HS3ST3A1: variants seen among roughly 807,000 people sequenced by gnomAD.
HS3ST3A1 encodes the protein heparan sulfate glucosamine 3-O-sulfotransferase 3A1.
Under a neutral mutation model 25.7 loss-of-function variants are expected in HS3ST3A1, and 19 were observed. The ratio of observed to expected loss-of-function variants is 0.74; its 90% CI spans 0.52 to 1.08. The LOEUF (loss-of-function observed/expected upper bound fraction) is 1.08. Among genes scored for constraint, HS3ST3A1 ranks in the 50% least tolerant of loss-of-function variants. The pLI, the probability that HS3ST3A1 is intolerant of heterozygous loss-of-function variation, is 0.00. For missense variants in HS3ST3A1, 459 were observed against 594.3 expected, an observed-to-expected ratio of 0.77 and a Z score of 2.37; for synonymous variants, 226 against 278.6, an observed-to-expected ratio of 0.81 and a Z score of 1.88.
intron 1 of HS3ST3A1, among the ~76,000 whole-genome samples, chr17:13,501,307 T>C (rs1025668099): frequency 2.6e-5 from 4 of 151,006 alleles, no homozygotes; most frequent in African/African-American, 9.9e-5. Flanking sequence ...ACAACGTGTA[T>C]GTACTTAACA....
intron 1 of HS3ST3A1, among the ~76,000 whole-genome samples, chr17:13,590,326 TAAAAA>T (rs59735905): frequency 1.4e-5 from 2 of 147,518 alleles, no homozygotes; most frequent in Admixed American, 6.7e-5. Context: ...TCTGTGAGGT[TAAAAA>T]AAAAAAAAAA....
intron 1 of HS3ST3A1, among the ~76,000 whole-genome samples, chr17:13,519,373 T>C (rs973106236): frequency 3.9e-4 from 60 of 152,332 alleles, no homozygotes; most frequent in Admixed American, 1.0e-3. Context: ...TTAACCTCTA[T>C]TTTAGCCCAT....
At chr17:13,574,082 C>T (rs1441684131) in intron 1 of HS3ST3A1, among the ~76,000 whole-genome samples, 1 of 151,650 alleles carries the variant, frequency 6.6e-6, no homozygotes, top group African/African-American at 2.4e-5. Flanking sequence ...CACCCCAGTA[C>T]TCTCTATCCT....
At chr17:13,565,461 G>GTT (rs1462080134) in intron 1 of HS3ST3A1, among the ~76,000 whole-genome samples, 1 of 152,212 alleles carries the variant, frequency 6.6e-6, no homozygotes, top group Non-Finnish European at 1.5e-5. Context: ...GAGCCTGGGA[G>GTT]GTCAAGGCTG....
At position 13,572,390 on chromosome 17, in the gene HS3ST3A1, A is replaced by G. The variant is rs1191618599; in HGVS notation, c.599+28141T>C. On this transcript the variant is annotated intron_variant, in intron 1 of 1. Coordinates refer to ENST00000284110, the MANE Select transcript of HS3ST3A1 (RefSeq NM_006042.3). ...TCCATCCTAGGGGGTGACCGCTCGG[A>G]CCACTTTCTTGTGGGACCCTATCTG... is the stretch of plus-strand genomic sequence containing the variant. Among the ~76,000 whole-genome samples, 3 of 152,104 alleles carry G rather than the reference A, an allele frequency of 2.0e-5. No homozygotes were observed. In the East Asian group the frequency reaches 5.8e-4, roughly 29 times the overall value.
chr17:13,594,638 A>G (rs1188202411), intron 1 of HS3ST3A1, among the ~76,000 whole-genome samples: 1 of 152,226 alleles, frequency 6.6e-6, no homozygotes, highest in Non-Finnish European at 1.5e-5. Context: ...TATTCCTTTC[A>G]GTCATAGGCA....
At position 13,512,767 on chromosome 17, in the gene HS3ST3A1, AT is replaced by A. The variant is rs200341371; in HGVS notation, c.600-15950del. Among the ~76,000 whole-genome samples, 690 of 152,316 alleles carry A rather than the reference AT, an allele frequency of 4.5e-3. 5 individuals carry two copies. Among genetic ancestry groups the A allele is most frequent in the Middle Eastern group, 0.017 (5 of 294 alleles). Reference sequence around the variant, plus strand: ...TTTGTTGAAATTAAGGGATAAAAAAATAAATTGTACTGCGTAAGTATGTAGT... The same window carrying A: ...TTTGTTGAAATTAAGGGATAAAAAAAAAATTGTACTGCGTAAGTATGTAGT... On this transcript the variant is annotated intron_variant, in intron 1 of 1. Coordinates refer to ENST00000284110, the MANE Select transcript of HS3ST3A1 (RefSeq NM_006042.3).
intron 1 of HS3ST3A1, among the ~76,000 whole-genome samples, chr17:13,568,345 G>A (rs1237763157): frequency 2.0e-5 from 3 of 152,098 alleles, no homozygotes; most frequent in African/African-American, 7.2e-5. Flanking sequence ...TCACTTTATT[G>A]TAATATTTGC....
At chr17:13,533,709 A>C (rs2142335030) in intron 1 of HS3ST3A1, among the ~76,000 whole-genome samples, 1 of 152,202 alleles carries the variant, frequency 6.6e-6, no homozygotes, top group South Asian at 2.1e-4. Context: ...GAGAGCAATA[A>C]CCCAAAAAGA....
At chr17:13,534,953 G>A (rs1440427636) in intron 1 of HS3ST3A1, among the ~76,000 whole-genome samples, 2 of 152,164 alleles carry the variant, frequency 1.3e-5, no homozygotes, top group African/African-American at 4.8e-5. Context: ...TTGAACCTGG[G>A]AGGCAGAGGT....
chr17:13,508,328 A>C (rs962878321), intron 1 of HS3ST3A1, among the ~76,000 whole-genome samples: 3 of 152,224 alleles, frequency 2.0e-5, no homozygotes, highest in Non-Finnish European at 1.5e-5. Context: ...GAGAAAACTC[A>C]AGGACTCTTG....
At chr17:13,528,206 C>T (rs981266547) in intron 1 of HS3ST3A1, among the ~76,000 whole-genome samples, 3 of 152,152 alleles carry the variant, frequency 2.0e-5, no homozygotes, top group Admixed American at 6.5e-5. Context: ...CTCCAAAGTC[C>T]CATCTACCTC....
chr17:13,562,435 A>G (rs376364524), intron 1 of HS3ST3A1, among the ~76,000 whole-genome samples: 41 of 152,204 alleles, frequency 2.7e-4, no homozygotes, highest in African/African-American at 9.6e-4. Context: ...GTGGGGGGGA[A>G]AGTAACCCTA....
In HS3ST3A1 at chr17:13,496,131, C is replaced by G. The variant is rs1905257115; in HGVS notation, c.*66G>C. 1.4e-6 allele frequency: 2 copies of G among 1,423,770 alleles called. No homozygotes were observed. The highest frequency in any genetic ancestry group is 2.5e-5 in the East Asian group (1 of 39,526). The allele number at this position is 1,423,770 out of a possible 1,614,324, so 88.2% of individuals were successfully genotyped here. On this transcript the variant is annotated 3_prime_UTR_variant, in exon 2 of 2. Transcript: ENST00000284110. ...TTTCAGCACAAATATTAAACTGTCT[C>G]TTCTCTACCGATTGGTAAAAAAATA...
chr17:13,517,326 T>C (rs1480227515), intron 1 of HS3ST3A1, among the ~76,000 whole-genome samples: 2 of 152,214 alleles, frequency 1.3e-5, no homozygotes, highest in South Asian at 2.1e-4. Context: ...AAGCATCCTA[T>C]TGGCTACATG....
intron 1 of HS3ST3A1, among the ~76,000 whole-genome samples, chr17:13,542,850 C>G (rs1412820875): frequency 2.6e-5 from 4 of 152,100 alleles, no homozygotes; most frequent in Non-Finnish European, 5.9e-5. Context: ...CACACACACA[C>G]CTCTGGGGTG....
At chr17:13,572,472 G>A (rs1907841407) in intron 1 of HS3ST3A1, among the ~76,000 whole-genome samples, 5 of 152,112 alleles carry the variant, frequency 3.3e-5, no homozygotes, top group Admixed American at 2.0e-4. Context: ...AGAGAAAGTC[G>A]GGGTGCTAAG....
intron 1 of HS3ST3A1, among the ~76,000 whole-genome samples, chr17:13,520,298 C>T (rs58411819): frequency 0.075 from 11,418 of 152,214 alleles, 948 homozygotes; most frequent in African/African-American, 0.2. Context: ...AGCAGTGATG[C>T]GAAACAAAAT....
At position 13,600,698 on chromosome 17, in the gene HS3ST3A1, G is replaced by A. The variant is rs1376528066; in HGVS notation, c.432C>T (p.Leu144=). 6 of 1,574,442 alleles carry A rather than the reference G, an allele frequency of 3.8e-6. No homozygotes were observed. Among genetic ancestry groups the A allele is most frequent in the Non-Finnish European group, 5.1e-6 (6 of 1,167,312 alleles). ...AEAPPGTLAL[L]LDEGSKQLPQ... ...GCAGCTGCTTGCTGCCTTCGTCCAG[G>A]AGCAGCGCCAGGGTCCCCGGCGGGG... The change falls in exon 1 of 2, where the codon CTC becomes CTT. Residue 144 remains leucine (L), a synonymous_variant. Transcript: ENST00000284110.
Sources: gnomAD v4.1 joint callset for allele counts (sites outside exome capture counted in the v4.1 genomes callset) on GRCh38, gnomAD v4.1.1 for gene constraint, MANE v1.5 for transcripts, NCBI Gene and HGNC (gene_info 2026-07-23, HGNC 2026-07-21) for gene names.